BCAS3: variants seen among roughly 807,000 people sequenced by gnomAD.
BCAS3 encodes BCAS4/BCAS3 fusion.
BCAS3 carries 53 observed loss-of-function variants against 116.1 expected under a neutral mutation model. The ratio of observed to expected loss-of-function variants is 0.46; its 90% confidence interval spans 0.37 to 0.57. The LOEUF (loss-of-function observed/expected upper bound fraction) is 0.57. Among genes scored for constraint, BCAS3 ranks in the 20% least tolerant of loss-of-function variants. The pLI is 0.00. For missense variants in BCAS3, 917 were observed against 1,165.4 expected, an observed-to-expected ratio of 0.79 and a Z score of 3.10; for synonymous variants, 391 against 408.2, an observed-to-expected ratio of 0.96 and a Z score of 0.51.
At chr17:61,074,709 G>T (rs531887274) in intron 19 of BCAS3, among the ~76,000 whole-genome samples, 1 of 152,250 alleles carries the variant, frequency 6.6e-6, no homozygotes, top group South Asian at 2.1e-4. Flanking sequence ...CAAGAAGATG[G>T]CATTACTAAA....
intron 12 of BCAS3, among the ~76,000 whole-genome samples, chr17:60,916,895 TA>T (rs2058807155): frequency 6.6e-6 from 1 of 152,166 alleles, no homozygotes; most frequent in African/African-American, 2.4e-5. Flanking sequence ...TGGATTTGAA[TA>T]AACATTTCTT....
At chr17:61,055,824 G>T (rs544793755) in intron 19 of BCAS3, among the ~76,000 whole-genome samples, 1 of 151,936 alleles carries the variant, frequency 6.6e-6, no homozygotes, top group Non-Finnish European at 1.5e-5. Flanking sequence ...AAAAATTGCC[G>T]TGTTTTTCCA....
intron 5 of BCAS3, among the ~76,000 whole-genome samples, chr17:60,731,658 G>A (rs1271616544): frequency 6.6e-6 from 1 of 151,804 alleles, no homozygotes; most frequent in Non-Finnish European, 1.5e-5. Flanking sequence ...TTATTTGTGG[G>A]ATTTTAACAT....
rs988448263 is a variant in BCAS3, at chr17:61,251,814, A to G, written c.2426-116513A>G. ...ATTATTAGACAAAGCTACCCACTCC[A>G]TCTTTGTTTATAGAACTCATTTTCA... On this transcript the variant is annotated intron_variant, in intron 22 of 23. Coordinates refer to ENST00000407086, the MANE Select transcript of BCAS3 (RefSeq NM_017679.5). The surrounding 1 kb of genome is among the most constrained non-coding windows in gnomAD (Gnocchi z 4.7). 6.6e-6 allele frequency among the ~76,000 whole-genome samples: 1 copy of G among 152,208 alleles called. No individual in the cohort carries two copies. Among genetic ancestry groups the G allele is most frequent in the African/African-American group, 2.4e-5 (1 of 41,448 alleles).
At chr17:60,843,280 G>A (rs2052151447) in intron 7 of BCAS3, among the ~76,000 whole-genome samples, 2 of 150,278 alleles carry the variant, frequency 1.3e-5, no homozygotes, top group Non-Finnish European at 3.0e-5. Flanking sequence ...GCAGTGGCAC[G>A]ATCTCGGCTC....
rs139589771 is a variant in BCAS3, at chr17:61,100,029, G to A, written c.2425+15465G>A. ...ATTGACTTCTGTTGTATGAAGTGGC[G>A]TCTTGAGTCTTAAACCTATTTTACT... is the stretch of plus-strand genomic sequence containing the variant. On this transcript the variant is annotated intron_variant, in intron 22 of 23. Coordinates refer to ENST00000407086, the MANE Select transcript of BCAS3 (RefSeq NM_017679.5). Among the ~76,000 whole-genome samples, 1,000 of 152,268 alleles carry A rather than the reference G, an allele frequency of 6.6e-3. 4 individuals carry two copies. The highest frequency in any genetic ancestry group is 9.4e-3 in the Non-Finnish European group (639 of 68,010).
At chr17:60,744,088 T>C (rs1306840666) in intron 5 of BCAS3, among the ~76,000 whole-genome samples, 3 of 152,180 alleles carry the variant, frequency 2.0e-5, no homozygotes, top group South Asian at 2.1e-4. Flanking sequence ...GCAGAGACCA[T>C]GAGGAGCTGT....
At chr17:60,806,384 T>A (rs1294411160) in intron 6 of BCAS3, among the ~76,000 whole-genome samples, 1 of 152,206 alleles carries the variant, frequency 6.6e-6, no homozygotes, top group Non-Finnish European at 1.5e-5. Flanking sequence ...AAAGAGCCGG[T>A]CAGCGTGTCT....
intron 22 of BCAS3, among the ~76,000 whole-genome samples, chr17:61,166,784 G>T (rs2078533590): frequency 6.6e-6 from 1 of 152,130 alleles, no homozygotes; most frequent in Admixed American, 6.5e-5. Flanking sequence ...CACAATCATA[G>T]ATCACTGTGG....
chr17:60,704,324 C>G (rs2036835911), intron 4 of BCAS3, among the ~76,000 whole-genome samples: 2 of 140,080 alleles, frequency 1.4e-5, no homozygotes, highest in South Asian at 2.1e-4. Context: ...TAGACTAACT[C>G]TATTGTTTTG....
At chr17:61,308,559 G>C (rs2054041368) in intron 22 of BCAS3, among the ~76,000 whole-genome samples, 1 of 152,026 alleles carries the variant, frequency 6.6e-6, no homozygotes, top group Non-Finnish European at 1.5e-5. Flanking sequence ...CGGTGAGTAA[G>C]ACAAAAGGCA....
chr17:60,996,531 A>C (rs1379587703), intron 15 of BCAS3, among the ~76,000 whole-genome samples: 1 of 152,164 alleles, frequency 6.6e-6, no homozygotes, highest in Admixed American at 6.5e-5. Flanking sequence ...TGGATAAAGC[A>C]GGTTTTGGGA....
Position 61,020,369 on chromosome 17 carries a change from T to G in BCAS3, c.1637+4468T>G, listed in dbSNP as rs1343007857. ...GAAGACAGATGTATTTACACCTTCT[T>G]GTTCAGTACCTTGAAGCAGCACTTG... On this transcript the variant is annotated intron_variant, in intron 16 of 23. Transcript: ENST00000407086. This position sits in a 1 kb window ranked among gnomAD's most constrained non-coding sequence, Gnocchi z 4.5. 6.6e-6 allele frequency among the ~76,000 whole-genome samples: 1 copy of G among 152,212 alleles called. No individual in the cohort carries two copies. Among genetic ancestry groups the G allele is most frequent in the Non-Finnish European group, 1.5e-5 (1 of 68,032 alleles).
chr17:61,202,752 C>T (rs1218608653), intron 22 of BCAS3, among the ~76,000 whole-genome samples: 2 of 152,132 alleles, frequency 1.3e-5, no homozygotes, highest in Non-Finnish European at 2.9e-5. Context: ...GTATATCTGA[C>T]TCAGAAAAAC....
intron 22 of BCAS3, among the ~76,000 whole-genome samples, chr17:61,341,366 G>A (rs2057138377): frequency 6.6e-6 from 1 of 152,216 alleles, no homozygotes; most frequent in Admixed American, 6.5e-5. Flanking sequence ...TCAGAGGAGA[G>A]CCTGGTATTT....
At position 61,244,998 on chromosome 17, in the gene BCAS3, G is replaced by A. The variant is rs115214313; in HGVS notation, c.2426-123329G>A. 1.3e-5 allele frequency among the ~76,000 whole-genome samples: 2 copies of A among 152,192 alleles called. No homozygotes were observed. The highest frequency in any genetic ancestry group is 4.8e-5 in the African/African-American group (2 of 41,446). ...GTGTAATAGACTATAATTTTAGTAA[G>A]TGTATCAGTCCATTCTCACGCTGCT... On this transcript the variant is annotated intron_variant, in intron 22 of 23. Coordinates refer to ENST00000407086, the MANE Select transcript of BCAS3 (RefSeq NM_017679.5). This position sits in a 1 kb window ranked among gnomAD's most constrained non-coding sequence, Gnocchi z 4.9.
intron 22 of BCAS3, among the ~76,000 whole-genome samples, chr17:61,231,752 C>T (rs1328733697): frequency 2.0e-5 from 3 of 151,826 alleles, no homozygotes; most frequent in Non-Finnish European, 4.4e-5. Context: ...GTGACACACA[C>T]CTGTAGTCCC....
rs1036821375 is a variant in BCAS3 at position 61,226,530 on chromosome 17, T to C, written c.2426-141797T>C. 2.0e-5 allele frequency among the ~76,000 whole-genome samples: 3 copies of C among 152,188 alleles called. No individual in the cohort carries two copies. The highest frequency in any genetic ancestry group is 2.9e-5 in the Non-Finnish European group (2 of 68,032). ...GCCCATAATAGGCATGCAGTTCTTATTGGAATTGTGTTGAACGACTCACTG... is the reference window on the plus strand; with the variant it reads ...GCCCATAATAGGCATGCAGTTCTTACTGGAATTGTGTTGAACGACTCACTG... On this transcript the variant is annotated intron_variant, in intron 22 of 23. Coordinates refer to ENST00000407086, the MANE Select transcript of BCAS3 (RefSeq NM_017679.5). The surrounding 1 kb of genome is among the most constrained non-coding windows in gnomAD (Gnocchi z 6.0).
At chr17:61,336,666 G>A (rs181025854) in intron 22 of BCAS3, among the ~76,000 whole-genome samples, 35 of 152,330 alleles carry the variant, frequency 2.3e-4, no homozygotes, top group African/African-American at 7.9e-4. Flanking sequence ...TTCATCCACA[G>A]GGGTGCTGTA....
Sources: allele counts gnomAD v4.1 joint callset (sites outside exome capture counted in the v4.1 genomes callset), GRCh38; gene constraint gnomAD v4.1.1; non-coding constraint Gnocchi (gnomAD v3.1); transcripts MANE v1.5; gene names NCBI Gene and HGNC (gene_info 2026-07-23, HGNC 2026-07-21).